SLC25A18: variants seen among roughly 807,000 people sequenced by gnomAD.
SLC25A18 encodes the protein mitochondrial glutamate carrier 2.
SLC25A18 carries 24 observed loss-of-function variants against 31.1 expected under a neutral mutation model. The ratio of observed to expected loss-of-function variants is 0.77; its 90% confidence interval spans 0.56 to 1.08. The LOEUF is 1.08. Among genes scored for constraint, SLC25A18 ranks in the 50% least tolerant of loss-of-function variants. The pLI, the probability that SLC25A18 is intolerant of heterozygous loss-of-function variation, is 0.00. For synonymous variants in SLC25A18, 173 were observed against 161.9 expected, an observed-to-expected ratio of 1.07 and a Z score of -0.52; for missense variants, 371 against 418.5, an observed-to-expected ratio of 0.89 and a Z score of 0.99.
At chr22:17,580,283 T>G (rs1202881022) in intron 3 of SLC25A18, 2 of 292,566 alleles carry the variant, frequency 6.8e-6, no homozygotes, top group Non-Finnish European at 1.2e-5. Context: ...CTCTTACCAC[T>G]TCCAGGTAAA....
intron 2 of SLC25A18, among the ~76,000 whole-genome samples, chr22:17,575,179 C>G (rs1275606084): frequency 3.3e-5 from 5 of 152,138 alleles, no homozygotes; most frequent in Non-Finnish European, 7.4e-5. Context: ...TCCCACTTCT[C>G]CAAGCCAGCC....
chr22:17,569,423 G>T (rs538913465), intron 1 of SLC25A18, among the ~76,000 whole-genome samples: 81 of 152,320 alleles, frequency 5.3e-4, no homozygotes, highest in African/African-American at 1.9e-3. Flanking sequence ...CATGCAAAGT[G>T]AAAGGAAAAT....
Position 17,589,447 on chromosome 22 carries a change from A to G in SLC25A18, c.731-143A>G, listed in dbSNP as rs1447747213. 4 of 626,860 alleles carry G rather than the reference A, an allele frequency of 6.4e-6. No individual in the cohort carries two copies. The South Asian group carries it at 7.3e-5, about 11-fold the overall frequency. The allele number at this position is 626,860 out of a possible 1,614,324, so 38.8% of individuals were successfully genotyped here. A position where few individuals can be genotyped will look rare whatever the true frequency, so the allele number is the denominator to read the frequency against. On this transcript the variant is annotated intron_variant, in intron 9 of 10. Transcript: ENST00000327451. ...CACCTCAGCCTCCCAAAGTGCTGGG[A>G]TTACAGGCGTGAGCCACTGCGCCCG...
rs942860893 is a variant in SLC25A18, at chr22:17,569,812, A to G, written c.-263-112A>G. The G allele has an allele frequency of 5.1e-5, 50 of 985,348 alleles. No homozygotes were observed. In the African/African-American group the frequency reaches 8.2e-4, roughly 16 times the overall value. The allele number at this position is 985,348 out of a possible 1,614,324, so 61.0% of individuals were successfully genotyped here. On this transcript the variant is annotated intron_variant, in intron 1 of 10. Coordinates refer to ENST00000327451, the MANE Select transcript of SLC25A18 (RefSeq NM_031481.3). ...CTATTTGAAGGTGCAGTGTGCGGTG[A>G]GAGTCTGGAACCCTGCAGTGGTGAT... is the stretch of plus-strand genomic sequence containing the variant.
chr22:17,567,533 T>C (rs2056969015), intron 1 of SLC25A18, among the ~76,000 whole-genome samples: 1 of 151,344 alleles, frequency 6.6e-6, no homozygotes, highest in South Asian at 2.1e-4. Flanking sequence ...CAGTGCTGAT[T>C]CTTCACCTCT....
chr22:17,585,895 C>T (rs1280686303), intron 7 of SLC25A18, among the ~76,000 whole-genome samples: 3 of 152,078 alleles, frequency 2.0e-5, no homozygotes, highest in East Asian at 1.9e-4. Flanking sequence ...TCAGGTGATA[C>T]GCCTGCCTTG....
chr22:17,587,335 C>A (rs751195076), intron 8 of SLC25A18, 34 bp downstream of exon 8: 2 of 1,586,774 alleles, frequency 1.3e-6, no homozygotes. Context: ...AGGACAAGTG[C>A]ACGGGGGAGG....
chr22:17,564,234 C>G (rs2056875690), intron 1 of SLC25A18, among the ~76,000 whole-genome samples: 1 of 152,216 alleles, frequency 6.6e-6, no homozygotes, highest in Admixed American at 6.5e-5. Flanking sequence ...TTCCTCTCCC[C>G]ACCACCTCAG....
At position 17,580,978 on chromosome 22, in the gene SLC25A18, G is replaced by A. The variant is rs371760308; in HGVS notation, c.21-59G>A. The A allele has an allele frequency of 2.7e-4, 410 of 1,492,914 alleles. 4 individuals are homozygous for A. In the Middle Eastern group the frequency reaches 6.3e-3, roughly 23 times the overall value. 92.5% of individuals were successfully genotyped at this position (1,492,914 alleles called of 1,614,324 possible). A position where few individuals can be genotyped will look rare whatever the true frequency, so the allele number is the denominator to read the frequency against. The stretch of plus-strand genomic sequence containing the variant: ...CCCCTGCCCATTCCTGGCTGCATCC[G>A]CTCCCTAACCTGCCCCTCCCTCTGC... On this transcript the variant is annotated intron_variant, in intron 3 of 10. Coordinates refer to ENST00000327451, the MANE Select transcript of SLC25A18 (RefSeq NM_031481.3).
chr22:17,583,078 A>G (rs78134013), intron 6 of SLC25A18, among the ~76,000 whole-genome samples: 18,919 of 152,146 alleles, frequency 0.12, 1,564 homozygotes, highest in Non-Finnish European at 0.18. Context: ...TCGTCTCAGG[A>G]AAAACAAATC....
At chr22:17,584,984 G>A (rs1221072336) in intron 7 of SLC25A18, among the ~76,000 whole-genome samples, 1 of 151,524 alleles carries the variant, frequency 6.6e-6, no homozygotes, top group Non-Finnish European at 1.5e-5. Flanking sequence ...ATGATGGAGT[G>A]GTGTTGGTTC....
chr22:17,580,904 G>A, intron 3 of SLC25A18, 133 bp from the exon 4 acceptor site: 3 of 1,433,320 alleles, frequency 2.1e-6, no homozygotes, highest in African/African-American at 2.9e-5. Context: ...CAGGGAGGCT[G>A]AAGAGGGTCT....
intron 2 of SLC25A18, among the ~76,000 whole-genome samples, chr22:17,572,122 G>A (rs2057104833): frequency 6.6e-6 from 1 of 152,074 alleles, no homozygotes; most frequent in Non-Finnish European, 1.5e-5. Flanking sequence ...GGGAGGCAGG[G>A]GTTGCAGCGA....
intron 9 of SLC25A18, chr22:17,588,297 T>C (rs891236497): frequency 1.9e-6 from 1 of 531,028 alleles, no homozygotes. Context: ...TGCTTTAGCT[T>C]TTCATCCCCT....
intron 2 of SLC25A18, among the ~76,000 whole-genome samples, chr22:17,570,927 A>G (rs1316962869): frequency 6.6e-6 from 1 of 152,250 alleles, no homozygotes; most frequent in Non-Finnish European, 1.5e-5. Flanking sequence ...GTGACTCCAG[A>G]AAGGCATGTG....
chr22:17,572,608 A>G (rs2146216901), intron 2 of SLC25A18, among the ~76,000 whole-genome samples: 1 of 151,726 alleles, frequency 6.6e-6, no homozygotes, highest in Non-Finnish European at 1.5e-5. Flanking sequence ...AGCCTTAGCA[A>G]CATGGCGAGA....
chr22:17,568,746 A>T (rs932442015), intron 1 of SLC25A18, among the ~76,000 whole-genome samples: 7 of 151,014 alleles, frequency 4.6e-5, no homozygotes, highest in African/African-American at 1.7e-4. Context: ...TATTTTTAGT[A>T]GAAACAGGGT....
chr22:17,574,855 A>ATTATT (rs1569181110), intron 2 of SLC25A18, among the ~76,000 whole-genome samples: 3 of 50,880 alleles, frequency 5.9e-5, no homozygotes, highest in African/African-American at 4.5e-4. Flanking sequence ...ATTATTATTT[A>ATTATT]TATATGTATT....
At chr22:17,573,205 T>C (rs1239196801) in intron 2 of SLC25A18, among the ~76,000 whole-genome samples, 1 of 152,216 alleles carries the variant, frequency 6.6e-6, no homozygotes, top group Non-Finnish European at 1.5e-5. Context: ...CAAAAAGTCA[T>C]GGATCATTCC....
Sources: allele counts gnomAD v4.1 joint callset (sites outside exome capture counted in the v4.1 genomes callset), GRCh38; gene constraint gnomAD v4.1.1; transcripts MANE v1.5; gene names NCBI Gene and HGNC (gene_info 2026-07-23, HGNC 2026-07-21).